RALGAPA1: variants seen among roughly 807,000 people sequenced by gnomAD.
The protein encoded by RALGAPA1 is Ral GTPase activating protein catalytic subunit alpha 1.
Under a neutral mutation model 269.6 loss-of-function variants are expected in RALGAPA1, and 52 were observed. The ratio of observed to expected loss-of-function variants is 0.19; its 90% CI spans 0.15 to 0.24. The LOEUF is 0.24. RALGAPA1 is among the 10% of genes least tolerant of loss of function. The pLI is 1.00. For missense variants in RALGAPA1, 1,917 were observed against 3,013.9 expected, an observed-to-expected ratio of 0.64 and a Z score of 8.52; for synonymous variants, 817 against 1,008.3, an observed-to-expected ratio of 0.81 and a Z score of 3.60.
chr14:35,759,873 C>T (rs1270745692), intron 6 of RALGAPA1, among the ~76,000 whole-genome samples: 1 of 146,204 alleles, frequency 6.8e-6, no homozygotes, highest in South Asian at 2.2e-4. Context: ...GGCCATGCCA[C>T]TGCACTCCAG....
At chr14:35,658,263 A>G (rs1451136925) in intron 28 of RALGAPA1, among the ~76,000 whole-genome samples, 2 of 152,228 alleles carry the variant, frequency 1.3e-5, no homozygotes, top group East Asian at 1.9e-4. Flanking sequence ...TTAAATTTTT[A>G]AAAACTGGAG....
intron 11 of RALGAPA1, among the ~76,000 whole-genome samples, chr14:35,741,002 G>A (rs1045350453): frequency 2.0e-5 from 3 of 152,046 alleles, no homozygotes; most frequent in Non-Finnish European, 4.4e-5. Context: ...CTGGCACTTC[G>A]AAAAACCACA....
chr14:35,713,812 C>T lies in RALGAPA1; in HGVS notation c.2266+7876G>A, dbSNP rs193108485. 2.6e-3 allele frequency among the ~76,000 whole-genome samples: 390 copies of T among 152,120 alleles called. 3 individuals are homozygous for T. Among genetic ancestry groups the T allele is most frequent in the African/African-American group, 9.1e-3 (376 of 41,514 alleles). On this transcript the variant is annotated intron_variant, in intron 16 of 41. Transcript: ENST00000680220. Reference sequence around the variant, plus strand: ...AACAAGTATATAAAATTGATGTGAGCGGGCCAGGTGCGGTGGCTCACGCTT... The same window carrying T: ...AACAAGTATATAAAATTGATGTGAGTGGGCCAGGTGCGGTGGCTCACGCTT...
chr14:35,634,780 C>A, intron 32 of RALGAPA1, 23 bp from the exon 33 acceptor site: 2 of 1,538,396 alleles, frequency 1.3e-6, no homozygotes, highest in Non-Finnish European at 1.7e-6. Context: ...GGGGAAACAC[C>A]CAGTTTTACT....
intron 2 of RALGAPA1, 62 bp downstream of exon 2, chr14:35,775,573 G>A: frequency 6.6e-7 from 1 of 1,511,368 alleles, no homozygotes; most frequent in Non-Finnish European, 8.8e-7. Flanking sequence ...CAGCCTTTAA[G>A]TTATGTTTAT....
At chr14:35,655,027 G>A (rs1231995580) in intron 29 of RALGAPA1, among the ~76,000 whole-genome samples, 2 of 152,024 alleles carry the variant, frequency 1.3e-5, no homozygotes, top group Non-Finnish European at 1.5e-5. Context: ...TATACACGCA[G>A]TTTATATTAT....
At chr14:35,676,193 T>C (rs886751024) in intron 22 of RALGAPA1, 3 of 151,968 alleles carry the variant, frequency 2.0e-5, no homozygotes, top group Admixed American at 6.6e-5. Context: ...CAAGCAACAA[T>C]GTGTGGTCTT....
At position 35,728,371 on chromosome 14, in the gene RALGAPA1, T is replaced by C. The variant is rs764501561; in HGVS notation, c.1727A>G (p.Lys576Arg). ...RYMVVQVSMD[K>R]KTWEQMLLVL... ...ATAAAAATTTTTTTACCAAGTCTTT[T>C]TGTCCATTGATACTTGTACAACCAT... Residue 576 changes from lysine (K) to arginine (R), a missense_variant, in exon 13 of 42, where the codon AAA (lysine) becomes AGA (arginine). Transcript: ENST00000680220. The C allele has an allele frequency of 1.3e-6, 2 of 1,563,648 alleles. No homozygotes were observed. The highest frequency in any genetic ancestry group is 2.3e-5 in the East Asian group (1 of 44,222).
At chr14:35,539,908 A>G (rs929498998) in intron 41 of RALGAPA1, among the ~76,000 whole-genome samples, 1 of 152,176 alleles carries the variant, frequency 6.6e-6, no homozygotes, top group African/African-American at 2.4e-5. Flanking sequence ...GAAAGCGCCA[A>G]TCATCATTCC....
intron 16 of RALGAPA1, among the ~76,000 whole-genome samples, chr14:35,702,057 T>C (rs1039827195): frequency 1.3e-5 from 2 of 152,182 alleles, no homozygotes; most frequent in African/African-American, 4.8e-5. Context: ...CTATTTTTAG[T>C]GGACTGTATG....
chr14:35,762,176 G>C (rs1363559577), intron 5 of RALGAPA1, among the ~76,000 whole-genome samples: 1 of 152,076 alleles, frequency 6.6e-6, no homozygotes, highest in Non-Finnish European at 1.5e-5. Flanking sequence ...CCATTGAGTG[G>C]CAAAGTACAA....
At chr14:35,717,812 C>A (rs1024325570) in intron 16 of RALGAPA1, among the ~76,000 whole-genome samples, 1 of 152,130 alleles carries the variant, frequency 6.6e-6, no homozygotes, top group African/African-American at 2.4e-5. Flanking sequence ...CCTGCCTTGG[C>A]CTCCCAAAAT....
intron 10 of RALGAPA1, among the ~76,000 whole-genome samples, chr14:35,744,135 G>A (rs1476741958): frequency 6.6e-6 from 1 of 152,144 alleles, no homozygotes; most frequent in Non-Finnish European, 1.5e-5. Flanking sequence ...ACTTTGGGAA[G>A]CCAAGGCTGG....
intron 4 of RALGAPA1, chr14:35,767,207 A>C (rs545450176): frequency 5.9e-6 from 1 of 170,616 alleles, no homozygotes; most frequent in East Asian, 1.8e-4. Context: ...TGTTTATTCA[A>C]GTCCTTTCTT....
chr14:35,617,415 C>T (rs533251623), intron 35 of RALGAPA1, among the ~76,000 whole-genome samples: 3 of 151,866 alleles, frequency 2.0e-5, no homozygotes, highest in African/African-American at 2.4e-5. Context: ...GTCAGGAGTT[C>T]GAGACCAGCT....
chr14:35,783,600 T>A (rs1009222054), intron 1 of RALGAPA1, among the ~76,000 whole-genome samples: 1 of 152,120 alleles, frequency 6.6e-6, no homozygotes, highest in Admixed American at 6.6e-5. Flanking sequence ...CCTTTTTGCT[T>A]CAGAGGACAC....
At chr14:35,768,778 G>A (rs1369744881) in intron 4 of RALGAPA1, among the ~76,000 whole-genome samples, 1 of 151,800 alleles carries the variant, frequency 6.6e-6, no homozygotes, top group Non-Finnish European at 1.5e-5. Flanking sequence ...GGAGGCCGAG[G>A]TGGGCGGATC....
At chr14:35,636,723 G>A (rs554181087) in intron 31 of RALGAPA1, among the ~76,000 whole-genome samples, 10 of 152,030 alleles carry the variant, frequency 6.6e-5, no homozygotes, top group Non-Finnish European at 1.0e-4. Flanking sequence ...GTTTTGCCAC[G>A]TTGGCCAGGC....
chr14:35,707,284 T>C (rs574167493), intron 16 of RALGAPA1: 14 of 152,338 alleles, frequency 9.2e-5, no homozygotes, highest in African/African-American at 3.4e-4. Flanking sequence ...TCTACAAAGA[T>C]AGCTTTATTT....
Sources: gnomAD v4.1 joint callset for allele counts (sites outside exome capture counted in the v4.1 genomes callset) on GRCh38, gnomAD v4.1.1 for gene constraint, MANE v1.5 for transcripts, NCBI Gene and HGNC (gene_info 2026-07-23, HGNC 2026-07-21) for gene names.